The following CHD2 variants were observed in gnomAD, a reference collection of about 807,000 sequenced individuals.
CHD2 encodes chromodomain helicase DNA binding protein 2.
A neutral mutation model predicts 243.9 loss-of-function variants in CHD2; 28 were observed. The ratio of observed to expected loss-of-function variants is 0.11; its 90% CI spans 0.09 to 0.16. CHD2 has a LOEUF of 0.16. Ranked by LOEUF, CHD2 falls within the 10% of genes least tolerant of loss-of-function variation. CHD2 has a pLI of 1.00. For missense variants in CHD2, 1,386 were observed against 2,209.8 expected (o/e 0.63, Z 7.47); for synonymous variants, 775 against 779.0 (o/e 0.99, Z 0.09).
At chr15:93,022,711 C>G (rs2054547743) in intron 38 of CHD2, among the ~76,000 whole-genome samples, 2 of 152,244 alleles carry the variant, frequency 1.3e-5, no homozygotes, top group Non-Finnish European at 2.9e-5. Context: ...CCTGTGAACT[C>G]TGGCCACCTT....
At chr15:92,979,842 C>T (rs1357142028) in intron 22 of CHD2, among the ~76,000 whole-genome samples, 4 of 151,798 alleles carry the variant, frequency 2.6e-5, no homozygotes, top group South Asian at 2.1e-4. Flanking sequence ...GGCGTGAACC[C>T]GGGAAGTGGA....
At chr15:92,929,501 A>G (rs2053125760) in intron 5 of CHD2, among the ~76,000 whole-genome samples, 1 of 152,198 alleles carries the variant, frequency 6.6e-6, no homozygotes, top group South Asian at 2.1e-4. Context: ...CCATTTTGGT[A>G]AGAAATTACA....
rs1370126488 is a variant in CHD2 at position 92,900,397 on chromosome 15, C to CT, written c.-496dup. 1 of 394,590 alleles carries CT rather than the reference C, an allele frequency of 2.5e-6. No individual in the cohort carries two copies. The highest frequency in any genetic ancestry group is 4.5e-6 in the Non-Finnish European group (1 of 224,066). The allele number at this position is 394,590 out of a possible 1,614,324, so 24.4% of individuals were successfully genotyped here. On this transcript the variant is annotated 5_prime_UTR_variant, in exon 1 of 39. Transcript: ENST00000394196. ...CGCTCTGCTCCCTGCCTTTGCCTCA[C>CT]TTTACGCAACTTTCCCTAACTTTCG...
intron 2 of CHD2, chr15:92,902,412 G>C (rs1033172128): frequency 2.7e-6 from 1 of 373,238 alleles, no homozygotes; most frequent in African/African-American, 2.1e-5. Flanking sequence ...ACAAGGATGT[G>C]ATTCATTATG....
In CHD2 at chr15:92,984,477, C is replaced by A. The variant is rs767106034; in HGVS notation, c.3214C>A (p.Arg1072=). The A allele has an allele frequency of 9.3e-6, 15 of 1,608,238 alleles. No individual in the cohort carries two copies. Among genetic ancestry groups the A allele is most frequent in the South Asian group, 1.1e-5 (1 of 90,108 alleles). The change falls in exon 25 of 39, where the codon CGA becomes AGA. Residue 1072 remains arginine, a synonymous_variant. Coordinates refer to ENST00000394196, the MANE Select transcript of CHD2 (RefSeq NM_001271.4). ...KELEEIYMLP[R]IRSSTKKAQT... ...GCTAGAAGAAATTTATATGCTGCCT[C>A]GAATTCGGAGTTCCACTAAAAAGGT...
chr15:92,987,616 GAA>G lies in CHD2; in HGVS notation c.3413+1955_3413+1956del, dbSNP rs34625310. Among the ~76,000 whole-genome samples the G allele has an allele frequency of 2.8e-3, 399 of 143,748 alleles. 2 individuals carry two copies. Among genetic ancestry groups the G allele is most frequent in the African/African-American group, 8.9e-3 (343 of 38,392 alleles). The allele number at this position is 143,748 out of a possible 152,430, so 94.3% of individuals were successfully genotyped here. A position where few individuals can be genotyped will look rare whatever the true frequency, so the allele number is the denominator to read the frequency against. On this transcript the variant is annotated intron_variant, in intron 26 of 38. Coordinates refer to ENST00000394196, the MANE Select transcript of CHD2 (RefSeq NM_001271.4). ...GAGCAAAACTCTCTAAAAGAAGAAG[GAA>G]AAAAAAAAAAAGATGGTATCTTAAA... is the stretch of plus-strand genomic sequence containing the variant.
chr15:92,930,574 A>ATG (rs1567129762), intron 5 of CHD2, among the ~76,000 whole-genome samples: 1 of 152,040 alleles, frequency 6.6e-6, no homozygotes. Context: ...GACTACAGGC[A>ATG]TGTGCTATCA....
intron 24 of CHD2, among the ~76,000 whole-genome samples, chr15:92,982,870 TCA>T (rs2053997097): frequency 6.6e-6 from 1 of 152,134 alleles, no homozygotes; most frequent in South Asian, 2.1e-4. Flanking sequence ...TTAGTGTTCG[TCA>T]TAGTCGGTTT....
At position 93,024,963 on chromosome 15, in the gene CHD2, G is replaced by C; in HGVS notation, c.*258G>C. The C allele has an allele frequency of 2.2e-6, 1 of 454,984 alleles. No homozygotes were observed. 28.2% of individuals were successfully genotyped at this position (454,984 alleles called of 1,614,324 possible). ...GGCCTCCCACTTTGACGGGCACTTG[G>C]AGGAGGAGCTGACTGTGTGTGTACC... On this transcript the variant is annotated 3_prime_UTR_variant, in exon 39 of 39. Transcript: ENST00000394196.
At position 92,900,812 on chromosome 15, in the gene CHD2, C is replaced by A. The variant is rs887318768; in HGVS notation, c.-84C>A. 7.5e-6 allele frequency: 3 copies of A among 398,138 alleles called. No individual in the cohort carries two copies. The highest frequency in any genetic ancestry group is 4.1e-5 in the African/African-American group (2 of 48,344). The allele number at this position is 398,138 out of a possible 1,614,324, so 24.7% of individuals were successfully genotyped here. A position where few individuals can be genotyped will look rare whatever the true frequency, so the allele number is the denominator to read the frequency against. On this transcript the variant is annotated 5_prime_UTR_variant, in exon 1 of 39. Transcript: ENST00000394196. ...AGATAGGACTCTTGGTTTGGACATA[C>A]TACATGGATCAGGTAAGTTCACGAT...
intron 2 of CHD2, among the ~76,000 whole-genome samples, chr15:92,905,451 T>C (rs913347332): frequency 6.6e-6 from 1 of 152,234 alleles, no homozygotes; most frequent in Non-Finnish European, 1.5e-5. Context: ...AAAGTTTTTT[T>C]CCTGCCATAC....
At chr15:92,952,220 A>G (rs999876139) in intron 13 of CHD2, among the ~76,000 whole-genome samples, 1 of 152,042 alleles carries the variant, frequency 6.6e-6, no homozygotes, top group South Asian at 2.1e-4. Flanking sequence ...AATCTAGCCC[A>G]TTTTGTAGAG....
chr15:92,970,863 C>T (rs1191636069), intron 17 of CHD2, among the ~76,000 whole-genome samples: 1 of 152,064 alleles, frequency 6.6e-6, no homozygotes, highest in Non-Finnish European at 1.5e-5. Context: ...CTAAGAGAAG[C>T]ATGAAGAAAT....
At chr15:92,967,642 C>T in intron 17 of CHD2, 129 bp downstream of exon 17, 2 of 554,120 alleles carry the variant, frequency 3.6e-6, no homozygotes, top group Non-Finnish European at 5.6e-6. Context: ...TCTGCTGCCT[C>T]AGCCTACCGA....
At chr15:92,966,768 G>C (rs1447824891) in intron 16 of CHD2, among the ~76,000 whole-genome samples, 2 of 152,078 alleles carry the variant, frequency 1.3e-5, no homozygotes, top group African/African-American at 4.8e-5. Context: ...AAAATTAGTT[G>C]GGTGTGGTGG....
At position 92,998,703 on chromosome 15, in the gene CHD2, T is replaced by C; in HGVS notation, c.4008+82T>C. On this transcript the variant is annotated intron_variant, in intron 31 of 38. Transcript: ENST00000394196. The surrounding 1 kb of genome is among the most constrained non-coding windows in gnomAD (Gnocchi z 5.1). ...ATTAGGTAGGAAGAGAGAGGCCCTC[T>C]CTGAGCACTGCACAGAATGTCACCT... 6.6e-7 allele frequency: 1 copy of C among 1,513,786 alleles called. No homozygotes were observed. Among genetic ancestry groups the C allele is most frequent in the Admixed American group, 1.9e-5 (1 of 51,922 alleles). The allele number at this position is 1,513,786 out of a possible 1,614,324, so 93.8% of individuals were successfully genotyped here. A position where few individuals can be genotyped will look rare whatever the true frequency, so the allele number is the denominator to read the frequency against.
chr15:92,908,638 T>C (rs2052667523), intron 2 of CHD2, among the ~76,000 whole-genome samples: 1 of 152,230 alleles, frequency 6.6e-6, no homozygotes. Flanking sequence ...CTTCGTGTAC[T>C]TTAACCCTTG....
intron 13 of CHD2, among the ~76,000 whole-genome samples, chr15:92,949,684 A>C (rs926710037): frequency 2.2e-4 from 33 of 152,266 alleles, no homozygotes; most frequent in South Asian, 6.2e-4. Context: ...GGAAGTACTT[A>C]CAAATTTCCT....
At chr15:92,951,205 C>T (rs2053549692) in intron 13 of CHD2, among the ~76,000 whole-genome samples, 1 of 152,012 alleles carries the variant, frequency 6.6e-6, no homozygotes, top group Non-Finnish European at 1.5e-5. Context: ...GAGTTTTGCT[C>T]TGTTGCCCAG....
Sources: gnomAD v4.1 joint callset for allele counts (sites outside exome capture counted in the v4.1 genomes callset) on GRCh38, gnomAD v4.1.1 for gene constraint, Gnocchi (gnomAD v3.1) non-coding constraint, MANE v1.5 for transcripts, NCBI Gene and HGNC (gene_info 2026-07-23, HGNC 2026-07-21) for gene names.